ABCA12: variants seen among roughly 807,000 people sequenced by gnomAD.
ABCA12 encodes ATP binding cassette subfamily A member 12, also known as glucosylceramide transporter ABCA12.
A neutral mutation model predicts 293.5 loss-of-function variants in ABCA12; 156 were observed. That is an observed-to-expected ratio of 0.53 (90% CI 0.47 to 0.61). The LOEUF (loss-of-function observed/expected upper bound fraction) is 0.61, where lower values mean the gene tolerates loss of function less well. ABCA12 is among the 20% of genes least tolerant of loss of function. The probability of loss-of-function intolerance (pLI) is 0.00; values close to 1 mark genes in which losing one functional copy is unlikely to be tolerated. For missense variants in ABCA12, 2,797 were observed against 3,090.2 expected (o/e 0.91, Z 2.25); for synonymous variants, 1,063 against 1,108.0 (o/e 0.96, Z 0.81).
At chr2:215,117,146 G>C (rs35127007) in intron 1 of ABCA12, among the ~76,000 whole-genome samples, 1 of 151,986 alleles carries the variant, frequency 6.6e-6, no homozygotes, top group Non-Finnish European at 1.5e-5. Flanking sequence ...CAACATTTCT[G>C]TAAATTTGTT....
intron 8 of ABCA12, among the ~76,000 whole-genome samples, chr2:215,036,250 T>G (rs940775232): frequency 2.0e-5 from 3 of 152,254 alleles, no homozygotes; most frequent in Non-Finnish European, 2.9e-5. Flanking sequence ...TGAAAATTGA[T>G]ATTTCAATAC....
At chr2:215,099,329 T>C (rs1241560201) in intron 2 of ABCA12, among the ~76,000 whole-genome samples, 2 of 152,198 alleles carry the variant, frequency 1.3e-5, no homozygotes, top group African/African-American at 4.8e-5. Flanking sequence ...ATGACTGACG[T>C]CCTAGCCCAA....
At chr2:215,117,624 G>A (rs1049368880) in intron 1 of ABCA12, among the ~76,000 whole-genome samples, 11 of 152,016 alleles carry the variant, frequency 7.2e-5, no homozygotes, top group African/African-American at 2.2e-4. Flanking sequence ...ACTTTATTAC[G>A]TTGTCAGAAC....
intron 1 of ABCA12, among the ~76,000 whole-genome samples, chr2:215,127,328 CT>C (rs1390880720): frequency 1.3e-5 from 2 of 152,032 alleles, no homozygotes; most frequent in African/African-American, 4.8e-5. Context: ...AAGGTATAGT[CT>C]AATCCTTTGT....
intron 26 of ABCA12, 49 bp from the exon 27 acceptor site, chr2:214,987,842 AT>A (rs1699821530): frequency 6.3e-7 from 1 of 1,593,996 alleles, no homozygotes; most frequent in Non-Finnish European, 8.6e-7. Context: ...GACTGTTAAC[AT>A]TTATCATCAG....
intron 2 of ABCA12, among the ~76,000 whole-genome samples, chr2:215,065,297 T>TTAAA (rs1701619469): frequency 2.2e-5 from 1 of 45,126 alleles, no homozygotes; most frequent in Non-Finnish European, 3.9e-5. Context: ...CATGAATGTG[T>TTAAA]AAAAAAAAAA....
At chr2:215,111,396 T>A (rs1702567042) in intron 2 of ABCA12, among the ~76,000 whole-genome samples, 1 of 152,220 alleles carries the variant, frequency 6.6e-6, no homozygotes, top group South Asian at 2.1e-4. Context: ...CTTCATATTT[T>A]TCTAGATAAA....
intron 3 of ABCA12, among the ~76,000 whole-genome samples, chr2:215,056,807 T>G (rs977330835): frequency 6.6e-6 from 1 of 152,058 alleles, no homozygotes; most frequent in East Asian, 1.9e-4. Flanking sequence ...TTAAATTACT[T>G]AAAGAGGGCA....
intron 2 of ABCA12, among the ~76,000 whole-genome samples, chr2:215,079,690 C>T (rs1472861112): frequency 6.9e-6 from 1 of 145,074 alleles, no homozygotes; most frequent in Non-Finnish European, 1.5e-5. Context: ...TAGACATTCA[C>T]AGATTCCCCC....
At chr2:215,112,901 A>C (rs1303743509) in intron 1 of ABCA12, among the ~76,000 whole-genome samples, 2 of 152,170 alleles carry the variant, frequency 1.3e-5, no homozygotes. Flanking sequence ...TTAATATTTT[A>C]TAGACCTATA....
At chr2:215,074,078 C>G (rs1559179038) in intron 2 of ABCA12, among the ~76,000 whole-genome samples, 1 of 152,106 alleles carries the variant, frequency 6.6e-6, no homozygotes, top group Non-Finnish European at 1.5e-5. Context: ...AAATTTTTCT[C>G]CCTGTTTTTT....
intron 2 of ABCA12, among the ~76,000 whole-genome samples, chr2:215,094,962 T>C (rs1702221148): frequency 6.6e-6 from 1 of 152,156 alleles, no homozygotes; most frequent in Non-Finnish European, 1.5e-5. Context: ...CCTACATGTG[T>C]CTACCTATCA....
rs958037239 is a variant in ABCA12 at position 215,000,623 on chromosome 2, T to C, written c.3179+82A>G. On this transcript the variant is annotated intron_variant, in intron 22 of 52. Transcript: ENST00000272895. ...TTTGGTGAATGTTGTTCCTTTCATG[T>C]AATACATCTGAATGAATGGACTGAA... 8.6e-6 allele frequency: 13 copies of C among 1,517,392 alleles called. No homozygotes were observed. In the Admixed American group the frequency reaches 2.2e-4, roughly 25 times the overall value. The allele number at this position is 1,517,392 out of a possible 1,614,324, so 94.0% of individuals were successfully genotyped here.
chr2:215,134,430 A>G (rs1372057809), intron 1 of ABCA12, among the ~76,000 whole-genome samples: 1 of 146,758 alleles, frequency 6.8e-6, no homozygotes, highest in Admixed American at 6.9e-5. Flanking sequence ...ATATATGTAT[A>G]TGTGTATATA....
At chr2:215,046,085 T>C (rs1261191752) in intron 6 of ABCA12, 70 bp from the exon 7 acceptor site, 14 of 1,500,106 alleles carry the variant, frequency 9.3e-6, no homozygotes, top group South Asian at 8.1e-5. Flanking sequence ...TTTGCTGTTT[T>C]TAAAAGCATC....
intron 6 of ABCA12, among the ~76,000 whole-genome samples, chr2:215,048,570 G>A (rs1701251730): frequency 6.6e-6 from 1 of 151,918 alleles, no homozygotes; most frequent in South Asian, 2.1e-4. Flanking sequence ...GGGTGTGGTG[G>A]CCTGCACCTG....
intron 2 of ABCA12, among the ~76,000 whole-genome samples, chr2:215,096,042 C>A (rs777177621): frequency 6.6e-6 from 1 of 152,142 alleles, no homozygotes; most frequent in Non-Finnish European, 1.5e-5. Context: ...ATATGTATAA[C>A]AAATACACCA....
chr2:215,044,692 C>A (rs944415865), intron 7 of ABCA12, among the ~76,000 whole-genome samples: 2 of 152,100 alleles, frequency 1.3e-5, no homozygotes, highest in Non-Finnish European at 2.9e-5. Context: ...AACTGTAGAA[C>A]CTTGGGGAAG....
At chr2:214,953,338 A>C (rs759613091) in intron 44 of ABCA12, among the ~76,000 whole-genome samples, 1 of 152,216 alleles carries the variant, frequency 6.6e-6, no homozygotes, top group Non-Finnish European at 1.5e-5. Context: ...ATACATAAGT[A>C]AGTCTGTGTA....
Sources: gnomAD v4.1 joint callset for allele counts (sites outside exome capture counted in the v4.1 genomes callset) on GRCh38, gnomAD v4.1.1 for gene constraint, MANE v1.5 for transcripts, NCBI Gene and HGNC (gene_info 2026-07-23, HGNC 2026-07-21) for gene names.